ATR: variants seen among roughly 807,000 people sequenced by gnomAD.
The protein encoded by ATR is serine/threonine-protein kinase ATR.
Under a neutral mutation model 305.3 loss-of-function variants are expected in ATR, and 142 were observed. The observed-to-expected ratio is 0.47, with a 90% CI of 0.41 to 0.53. The LOEUF (loss-of-function observed/expected upper bound fraction) is 0.53, where lower values mean the gene tolerates loss of function less well. ATR is among the 20% of genes least tolerant of loss of function. ATR has a pLI of 0.00. For missense variants in ATR, 2,135 were observed against 3,133.1 expected (o/e 0.68, Z 7.60); for synonymous variants, 1,050 against 1,068.1 (o/e 0.98, Z 0.33).
At chr3:142,563,160 TA>T (rs780122270) in intron 3 of ATR, 51 bp from the exon 4 acceptor site, 2 of 1,517,500 alleles carry the variant, frequency 1.3e-6, no homozygotes, top group East Asian at 4.5e-5. Flanking sequence ...TCCGAAGTGC[TA>T]ATTCATTTGC....
At chr3:142,543,912 C>G (rs558037939) in intron 16 of ATR, among the ~76,000 whole-genome samples, 2 of 152,162 alleles carry the variant, frequency 1.3e-5, no homozygotes, top group African/African-American at 4.8e-5. Context: ...CTCAAGCAAT[C>G]CTCCTGCTTT....
At chr3:142,486,274 T>G (rs527939655) in intron 35 of ATR, among the ~76,000 whole-genome samples, 1 of 152,260 alleles carries the variant, frequency 6.6e-6, no homozygotes, top group African/African-American at 2.4e-5. Flanking sequence ...ACTCTAATCT[T>G]GAGACTCTAC....
At chr3:142,573,795 T>C (rs987637297) in intron 1 of ATR, among the ~76,000 whole-genome samples, 1 of 152,210 alleles carries the variant, frequency 6.6e-6, no homozygotes, top group African/African-American at 2.4e-5. Flanking sequence ...CTGTGTATCT[T>C]ATATTTACAG....
At chr3:142,564,241 T>C (rs1427276738) in intron 3 of ATR, among the ~76,000 whole-genome samples, 4 of 152,244 alleles carry the variant, frequency 2.6e-5, no homozygotes, top group Non-Finnish European at 5.9e-5. Context: ...ACTTACTTTA[T>C]TGCAATATTC....
intron 12 of ATR, 25 bp downstream of exon 12, chr3:142,553,615 A>G (rs1442100478): frequency 1.3e-6 from 2 of 1,569,468 alleles, no homozygotes. Flanking sequence ...TAAATAAGGA[A>G]GAACACAAAT....
At chr3:142,477,362 G>A (rs984400136) in intron 36 of ATR, among the ~76,000 whole-genome samples, 1 of 152,146 alleles carries the variant, frequency 6.6e-6, no homozygotes, top group Admixed American at 6.6e-5. Flanking sequence ...TGTGGTTTTT[G>A]TCTTTGCTTC....
At chr3:142,550,034 C>A in intron 14 of ATR, 98 bp downstream of exon 14, 2 of 1,468,984 alleles carry the variant, frequency 1.4e-6, no homozygotes, top group Admixed American at 1.8e-5. Flanking sequence ...TTAAGTTTTA[C>A]AGCATAAGCA....
intron 27 of ATR, among the ~76,000 whole-genome samples, chr3:142,511,550 C>G (rs1215913556): frequency 6.6e-6 from 1 of 151,654 alleles, no homozygotes; most frequent in Admixed American, 6.6e-5. Flanking sequence ...CAGCTACTCG[C>G]AAAGCTGAGG....
At chr3:142,504,190 C>T (rs2032121620) in intron 29 of ATR, among the ~76,000 whole-genome samples, 1 of 152,152 alleles carries the variant, frequency 6.6e-6, no homozygotes, top group Non-Finnish European at 1.5e-5. Flanking sequence ...AGACACACAG[C>T]TTATTCCCAT....
intron 14 of ATR, 24 bp from the exon 15 acceptor site, chr3:142,549,697 C>G: frequency 6.2e-7 from 1 of 1,602,878 alleles, no homozygotes; most frequent in Non-Finnish European, 8.5e-7. Context: ...CAACAATTAC[C>G]AAAAAGTACA....
chr3:142,558,630 T>G lies in ATR; in HGVS notation c.1879A>C (p.Ser627Arg). Reference sequence around the variant, plus strand: ...CATTCTTGTGAGCACTTACAATAGCTATCTGAAATCCTACAGCTTAATGTT... The same window carrying G: ...CATTCTTGTGAGCACTTACAATAGCGATCTGAAATCCTACAGCTTAATGTT... ...LLTLSCRISD[S>R]YSPQAQSRCV... The change falls in exon 8 of 47, where the codon AGC becomes CGC. Residue 627 changes from serine to arginine, a missense_variant. By Grantham distance (110) the Ser-to-Arg change is moderately radical. This residue lies in a region of ATR where 744 missense variants were observed against 873.2 expected (regional missense o/e 0.85). Coordinates refer to ENST00000350721, the MANE Select transcript of ATR (RefSeq NM_001184.4). 1 of 1,612,248 alleles carries G rather than the reference T, an allele frequency of 6.2e-7. No homozygotes were observed. The highest frequency in any genetic ancestry group is 1.1e-5 in the South Asian group (1 of 91,002).
rs913030619 is a variant in ATR, at chr3:142,505,119, C to T, written c.5196+20G>A. The T allele has an allele frequency of 1.2e-6, 2 of 1,613,416 alleles. No homozygotes were observed. Among genetic ancestry groups the T allele is most frequent in the African/African-American group, 2.7e-5 (2 of 74,886 alleles). On this transcript the variant is annotated intron_variant, in intron 29 of 46. Transcript: ENST00000350721. ...TTCAGGGCTATTTTCATTACAGTTG[C>T]CTTTCAATTATTATCTTACCTGGTC...
intron 8 of ATR, 102 bp downstream of exon 8, chr3:142,558,522 A>C (rs899354147): frequency 2.4e-4 from 183 of 759,372 alleles, no homozygotes; most frequent in Admixed American, 3.5e-4. Context: ...ACTCCGTCTC[A>C]AAAATAAATA....
At chr3:142,526,793 GTT>G (rs577390491) in intron 21 of ATR, among the ~76,000 whole-genome samples, 2 of 140,126 alleles carry the variant, frequency 1.4e-5, no homozygotes, top group African/African-American at 2.6e-5. Context: ...GTTTGTTTTT[GTT>G]TTTTTTTTTT....
At chr3:142,468,116 T>G (rs1325734319) in intron 38 of ATR, 48 bp from the exon 39 acceptor site, 1 of 1,594,540 alleles carries the variant, frequency 6.3e-7, no homozygotes, top group Non-Finnish European at 8.5e-7. Context: ...TTATACAGGA[T>G]TTTTAAAAGA....
intron 24 of ATR, among the ~76,000 whole-genome samples, chr3:142,518,194 AT>A (rs1430496041): frequency 6.6e-6 from 1 of 152,188 alleles, no homozygotes; most frequent in Non-Finnish European, 1.5e-5. Flanking sequence ...GAAAATCCAA[AT>A]TTTAACTTTA....
chr3:142,468,172 A>G, intron 38 of ATR, 104 bp from the exon 39 acceptor site: 1 of 1,335,422 alleles, frequency 7.5e-7, no homozygotes, highest in Non-Finnish European at 1.0e-6. Flanking sequence ...TCATGATGAG[A>G]GTTTATATGA....
intron 38 of ATR, among the ~76,000 whole-genome samples, chr3:142,468,858 G>C (rs1239008909): frequency 6.6e-6 from 1 of 152,060 alleles, no homozygotes; most frequent in African/African-American, 2.4e-5. Flanking sequence ...TGTACATGGT[G>C]ACACACCGCT....
At position 142,549,513 on chromosome 3, in the gene ATR, T is replaced by C. The variant is rs2108454729; in HGVS notation, c.3137A>G (p.Lys1046Arg). 1.9e-6 allele frequency: 3 copies of C among 1,605,076 alleles called. No individual in the cohort carries two copies. The highest frequency in any genetic ancestry group is 2.6e-6 in the Non-Finnish European group (3 of 1,175,798). Residue 1046 changes from lysine (K) to arginine (R), a missense_variant, in exon 15 of 47, where the codon AAA becomes AGA. Transcript: ENST00000350721. ...ATGAAGGGCACGTTCTAATTCATCT[T>C]TGGAACAAGAACAGACCAAATGAGA... ...IFSHLVCSCS[K>R]DELERALHYL...
Sources: gnomAD v4.1 joint callset for allele counts (sites outside exome capture counted in the v4.1 genomes callset) on GRCh38, gnomAD v4.1.1 for gene constraint, gnomAD v4.1.1 regional missense constraint, MANE v1.5 for transcripts, NCBI Gene and HGNC (gene_info 2026-07-23, HGNC 2026-07-21) for gene names.